Variants in STK10 observed in about 807,000 individuals in gnomAD.
The protein encoded by STK10 is serine/threonine-protein kinase 10.
STK10 carries 78 observed loss-of-function variants against 113.8 expected under a neutral mutation model. The observed-to-expected ratio is 0.69, with a 90% CI of 0.57 to 0.83. STK10 has a LOEUF of 0.83. STK10 is among the 40% of genes least tolerant of loss of function. The pLI is 0.00. For missense variants in STK10, 1,109 were observed against 1,280.1 expected (o/e 0.87, Z 2.04); for synonymous variants, 465 against 494.7 (o/e 0.94, Z 0.80).
intron 13 of STK10, 198 bp from the exon 14 acceptor site, chr5:172,061,466 G>T: frequency 1.5e-6 from 1 of 652,558 alleles, no homozygotes; most frequent in Non-Finnish European, 2.4e-6. Flanking sequence ...CTGGATCCTG[G>T]ATCAAAGAAC....
chr5:172,188,078 C>G lies in STK10; in HGVS notation c.-36G>C. 6.3e-7 allele frequency: 1 copy of G among 1,597,248 alleles called. No individual in the cohort carries two copies. Among genetic ancestry groups the G allele is most frequent in the Non-Finnish European group, 8.5e-7 (1 of 1,171,986 alleles). On this transcript the variant is annotated 5_prime_UTR_variant, in exon 1 of 19. Transcript: ENST00000176763. This position sits in a 1 kb window ranked among gnomAD's most constrained non-coding sequence, Gnocchi z 5.6. ...GCGGTGGCGCCGGCTCGGGCTCGGGCTCGGGCTCGGGCTGTGGCTTCGGCG... is the reference window on the plus strand; with the variant it reads ...GCGGTGGCGCCGGCTCGGGCTCGGGGTCGGGCTCGGGCTGTGGCTTCGGCG...
intron 2 of STK10, among the ~76,000 whole-genome samples, chr5:172,149,495 CGTGT>C (rs3839238): frequency 0.079 from 11,725 of 149,238 alleles, 1,037 homozygotes; most frequent in African/African-American, 0.21. Context: ...ACAAAGTGCT[CGTGT>C]GTGTGTGTGT....
intron 14 of STK10, among the ~76,000 whole-genome samples, chr5:172,059,638 G>T (rs1292614622): frequency 6.6e-6 from 1 of 151,938 alleles, no homozygotes; most frequent in African/African-American, 2.4e-5. Context: ...TCCCCACGCT[G>T]GACGACATCA....
intron 1 of STK10, among the ~76,000 whole-genome samples, chr5:172,181,818 A>G (rs954667074): frequency 6.6e-6 from 1 of 151,956 alleles, no homozygotes; most frequent in Non-Finnish European, 1.5e-5. Flanking sequence ...CTAAAAGAAA[A>G]AAAGAAATAA....
chr5:172,161,882 C>A (rs909827469), intron 1 of STK10, among the ~76,000 whole-genome samples: 1 of 152,172 alleles, frequency 6.6e-6, no homozygotes, highest in Non-Finnish European at 1.5e-5. Flanking sequence ...CCATCCAAGT[C>A]CCTTGCAGGC....
intron 1 of STK10, among the ~76,000 whole-genome samples, chr5:172,162,842 GC>G (rs1770498136): frequency 6.6e-6 from 1 of 152,240 alleles, no homozygotes; most frequent in Non-Finnish European, 1.5e-5. Context: ...GGTGGAGGAG[GC>G]CCAGGTGGGG....
At chr5:172,097,933 C>A (rs1362188910) in intron 7 of STK10, among the ~76,000 whole-genome samples, 1 of 152,110 alleles carries the variant, frequency 6.6e-6, no homozygotes, top group East Asian at 1.9e-4. Flanking sequence ...AGTGAGGGCA[C>A]CCGGGTATAG....
intron 4 of STK10, chr5:172,114,473 A>ATATATATATTT (rs1226289994): frequency 4.2e-5 from 2 of 47,538 alleles, no homozygotes; most frequent in African/African-American, 2.8e-4. Context: ...ATATATATAT[A>ATATATATATTT]TTTTTTTTTT....
rs1403813418 is a variant in STK10 at position 172,107,839 on chromosome 5, C to G, written c.534G>C (p.Val178=). The part of the protein sequence containing the change: ...EGDIRLADFG[V]SAKNLKTLQK... ...GTAGAGTCTTCAGATTCTTGGCAGACACACCAAAGTCAGCTGCAAGACAAA... is the reference window on the plus strand; with the variant it reads ...GTAGAGTCTTCAGATTCTTGGCAGAGACACCAAAGTCAGCTGCAAGACAAA... The change falls in exon 5 of 19, where the codon GTG becomes GTC. Residue 178 remains valine, a synonymous_variant. Coordinates refer to ENST00000176763, the MANE Select transcript of STK10 (RefSeq NM_005990.4). The G allele has an allele frequency of 6.2e-7, 1 of 1,614,044 alleles. No homozygotes were observed. The highest frequency in any genetic ancestry group is 1.3e-5 in the African/African-American group (1 of 74,946).
chr5:172,184,431 C>T (rs1276683961), intron 1 of STK10, among the ~76,000 whole-genome samples: 2 of 151,994 alleles, frequency 1.3e-5, no homozygotes, highest in Non-Finnish European at 2.9e-5. Context: ...GATTCTAGTC[C>T]CTTCTCTTCT....
intron 12 of STK10, among the ~76,000 whole-genome samples, chr5:172,074,788 G>A (rs1354250379): frequency 1.3e-5 from 2 of 152,178 alleles, no homozygotes; most frequent in African/African-American, 2.4e-5. Context: ...GGAAACCGAA[G>A]CAGGCGGATC....
intron 1 of STK10, among the ~76,000 whole-genome samples, chr5:172,176,106 CTCATT>C (rs1013287859): frequency 3.9e-5 from 6 of 152,168 alleles, no homozygotes; most frequent in African/African-American, 1.4e-4. Flanking sequence ...CATGGGTTGT[CTCATT>C]TCATCTTCCA....
intron 2 of STK10, among the ~76,000 whole-genome samples, chr5:172,143,627 C>T (rs2113803485): frequency 6.6e-6 from 1 of 152,342 alleles, no homozygotes; most frequent in African/African-American, 2.4e-5. Flanking sequence ...TTCTGTGGGG[C>T]TGTCCTGACC....
chr5:172,044,504 G>A lies in STK10; in HGVS notation c.*378C>T, dbSNP rs1767455256. 8.3e-6 allele frequency: 2 copies of A among 242,272 alleles called. No individual in the cohort carries two copies. Among genetic ancestry groups the A allele is most frequent in the Non-Finnish European group, 1.6e-5 (2 of 121,304 alleles). The allele number at this position is 242,272 out of a possible 1,614,324, so 15.0% of individuals were successfully genotyped here. A position where few individuals can be genotyped will look rare whatever the true frequency, so the allele number is the denominator to read the frequency against. Reference sequence around the variant, plus strand: ...TGAGCCCACGGGGACTTCATCAGCAGTGCTTTGTCCCACAGAGAGCAAAAC... The same window carrying A: ...TGAGCCCACGGGGACTTCATCAGCAATGCTTTGTCCCACAGAGAGCAAAAC... On this transcript the variant is annotated 3_prime_UTR_variant, in exon 19 of 19. Transcript: ENST00000176763. The surrounding 1 kb of genome is among the most constrained non-coding windows in gnomAD (Gnocchi z 4.5).
intron 18 of STK10, among the ~76,000 whole-genome samples, chr5:172,046,999 A>T (rs568655634): frequency 6.6e-6 from 1 of 152,184 alleles, no homozygotes; most frequent in Non-Finnish European, 1.5e-5. Context: ...CACTTCATTG[A>T]CTCTACCAGA....
intron 12 of STK10, among the ~76,000 whole-genome samples, chr5:172,071,504 G>T (rs1290310770): frequency 6.6e-6 from 1 of 152,064 alleles, no homozygotes; most frequent in African/African-American, 2.4e-5. Context: ...AGCACATTTT[G>T]ATTTTACCTG....
chr5:172,091,435 T>A (rs1008271454), intron 9 of STK10, among the ~76,000 whole-genome samples: 4 of 152,078 alleles, frequency 2.6e-5, no homozygotes, highest in African/African-American at 9.7e-5. Context: ...TAATACGTGG[T>A]ACCCTCTGGA....
chr5:172,181,227 C>T (rs1770849157), intron 1 of STK10, among the ~76,000 whole-genome samples: 1 of 152,238 alleles, frequency 6.6e-6, no homozygotes, highest in East Asian at 1.9e-4. Context: ...CTTACCGCAG[C>T]ATGTGCGTAT....
chr5:172,055,054 A>G (rs1581131838), intron 16 of STK10, among the ~76,000 whole-genome samples: 1 of 152,228 alleles, frequency 6.6e-6, no homozygotes, highest in East Asian at 1.9e-4. Context: ...GGAAGGGTGC[A>G]GGAGAATTGG....
Sources: gnomAD v4.1 joint callset for allele counts (sites outside exome capture counted in the v4.1 genomes callset) on GRCh38, gnomAD v4.1.1 for gene constraint, Gnocchi (gnomAD v3.1) non-coding constraint, MANE v1.5 for transcripts, NCBI Gene and HGNC (gene_info 2026-07-23, HGNC 2026-07-21) for gene names.